CNTN5: variants seen among roughly 807,000 people sequenced by gnomAD.
CNTN5 encodes contactin 5.
A neutral mutation model predicts 129.1 loss-of-function variants in CNTN5; 77 were observed. The ratio of observed to expected loss-of-function variants is 0.60; its 90% CI spans 0.50 to 0.72. The LOEUF (loss-of-function observed/expected upper bound fraction) is 0.72, where lower values mean the gene tolerates loss of function less well. Ranked by LOEUF, CNTN5 falls within the 30% of genes least tolerant of loss-of-function variation. The pLI, the probability that CNTN5 is intolerant of heterozygous loss-of-function variation, is 0.00. For synonymous variants in CNTN5, 509 were observed against 465.6 expected (o/e 1.09, Z -1.20); for missense variants, 1,478 against 1,328.8 (o/e 1.11, Z -1.75).
intron 8 of CNTN5, among the ~76,000 whole-genome samples, chr11:99,963,252 G>C (rs12421585): frequency 0.03 from 4,539 of 152,230 alleles, 217 homozygotes; most frequent in East Asian, 0.22. Context: ...GTCCTGAATG[G>C]TATTGCCTAG....
chr11:99,726,008 T>C (rs1016012759), intron 3 of CNTN5, among the ~76,000 whole-genome samples: 1 of 152,228 alleles, frequency 6.6e-6, no homozygotes, highest in African/African-American at 2.4e-5. Flanking sequence ...CTTACTTATT[T>C]GGCTATTCTG....
At chr11:99,889,755 C>T (rs962061487) in intron 6 of CNTN5, among the ~76,000 whole-genome samples, 6 of 152,060 alleles carry the variant, frequency 3.9e-5, no homozygotes, top group Admixed American at 1.3e-4. Context: ...GCCAGCTGGG[C>T]AGGCTGGTCT....
intron 6 of CNTN5, among the ~76,000 whole-genome samples, chr11:99,877,627 A>G (rs993662594): frequency 6.6e-6 from 1 of 152,184 alleles, no homozygotes; most frequent in Admixed American, 6.5e-5. Context: ...AAAAATAAGG[A>G]AAGTGCTGTT....
At chr11:99,520,694 C>T (rs11220280) in intron 2 of CNTN5, among the ~76,000 whole-genome samples, 36,211 of 151,906 alleles carry the variant, frequency 0.24, 4,864 homozygotes, top group East Asian at 0.3. Context: ...AGTGTTAGTA[C>T]ATACAACCTC....
intron 1 of CNTN5, among the ~76,000 whole-genome samples, chr11:99,294,525 C>G (rs1864301333): frequency 6.6e-6 from 1 of 151,942 alleles, no homozygotes. Context: ...AAAGAACACA[C>G]AAAATAATGG....
intron 1 of CNTN5, among the ~76,000 whole-genome samples, chr11:99,214,390 T>C (rs1860007603): frequency 7.6e-6 from 1 of 131,348 alleles, no homozygotes; most frequent in Non-Finnish European, 1.6e-5. Flanking sequence ...ATTATATATG[T>C]ATATAAATAA....
At chr11:99,801,534 A>C (rs1565547892) in intron 3 of CNTN5, among the ~76,000 whole-genome samples, 1 of 152,218 alleles carries the variant, frequency 6.6e-6, no homozygotes, top group Non-Finnish European at 1.5e-5. Flanking sequence ...TTTTCCAGAT[A>C]ATTTACATTT....
intron 2 of CNTN5, among the ~76,000 whole-genome samples, chr11:99,343,963 G>A (rs1332293407): frequency 6.6e-6 from 1 of 152,150 alleles, no homozygotes; most frequent in East Asian, 1.9e-4. Flanking sequence ...TCCAACATTT[G>A]AAAATGATAA....
intron 2 of CNTN5, among the ~76,000 whole-genome samples, chr11:99,441,193 A>C (rs1223381005): frequency 2.0e-5 from 3 of 152,176 alleles, no homozygotes; most frequent in African/African-American, 7.2e-5. Context: ...CAATTAACAA[A>C]TCATGCCTTA....
intron 3 of CNTN5, among the ~76,000 whole-genome samples, chr11:99,696,344 C>T (rs564761274): frequency 1.3e-5 from 2 of 152,184 alleles, no homozygotes; most frequent in South Asian, 4.1e-4. Flanking sequence ...TGCCTATACC[C>T]ATTTTTATCT....
chr11:99,510,603 G>A lies in CNTN5; in HGVS notation c.-70-45542G>A, dbSNP rs534834000. Among the ~76,000 whole-genome samples, 6 of 152,214 alleles carry A rather than the reference G, an allele frequency of 3.9e-5. No homozygotes were observed. The South Asian group carries it at 1.0e-3, about 26-fold the overall frequency. On this transcript the variant is annotated intron_variant, in intron 2 of 24. Coordinates refer to ENST00000524871, the MANE Select transcript of CNTN5 (RefSeq NM_014361.4). ...CATAACAATGTTTTGGTCAATAATGGACTGCATATATGAGGGTGCTTCAAT... is the reference window on the plus strand; with the variant it reads ...CATAACAATGTTTTGGTCAATAATGAACTGCATATATGAGGGTGCTTCAAT...
intron 9 of CNTN5, among the ~76,000 whole-genome samples, chr11:100,044,481 C>T (rs1187264908): frequency 7.1e-6 from 1 of 139,974 alleles, no homozygotes; most frequent in African/African-American, 2.7e-5. Context: ...TTCTCTGCAA[C>T]TTTGCTAACA....
intron 13 of CNTN5, among the ~76,000 whole-genome samples, chr11:100,076,876 T>C (rs563481109): frequency 1.4e-4 from 21 of 152,206 alleles, no homozygotes; most frequent in East Asian, 9.7e-4. Flanking sequence ...TTACCATATC[T>C]GGCAGCCCTA....
At chr11:99,749,141 G>A (rs1944152298) in intron 3 of CNTN5, among the ~76,000 whole-genome samples, 1 of 152,044 alleles carries the variant, frequency 6.6e-6, no homozygotes, top group African/African-American at 2.4e-5. Flanking sequence ...GTGATACTTT[G>A]GCTTACTGAT....
In CNTN5 at chr11:99,414,450, T is replaced by A. The variant is rs141158217; in HGVS notation, c.-71+88966T>A. 1.4e-4 allele frequency among the ~76,000 whole-genome samples: 21 copies of A among 152,010 alleles called. No homozygotes were observed. The East Asian group carries it at 2.7e-3, about 20-fold the overall frequency. ...GATACAGCAGAAAATTATATACATATGTGTGTATGTATGCAGAATATATAT... is the reference window on the plus strand; with the variant it reads ...GATACAGCAGAAAATTATATACATAAGTGTGTATGTATGCAGAATATATAT... On this transcript the variant is annotated intron_variant, in intron 2 of 24. Coordinates refer to ENST00000524871, the MANE Select transcript of CNTN5 (RefSeq NM_014361.4).
chr11:100,051,582 T>C (rs181166354), intron 9 of CNTN5, among the ~76,000 whole-genome samples: 133 of 151,920 alleles, frequency 8.8e-4, no homozygotes, highest in African/African-American at 3.1e-3. Context: ...GAAATTAATT[T>C]AAGATGAAAG....
At chr11:99,764,691 A>G (rs2845954) in intron 3 of CNTN5, among the ~76,000 whole-genome samples, 66,227 of 151,968 alleles carry the variant, frequency 0.44, 14,899 homozygotes, top group Non-Finnish European at 0.5. Flanking sequence ...GATGAAATCA[A>G]TTTTTAAAAA....
intron 1 of CNTN5, among the ~76,000 whole-genome samples, chr11:99,049,351 A>G (rs1226748526): frequency 6.6e-6 from 1 of 152,170 alleles, no homozygotes; most frequent in Non-Finnish European, 1.5e-5. Context: ...AGATTTTCAT[A>G]GAAATTCTGC....
chr11:99,399,850 AT>A (rs543807071), intron 2 of CNTN5, among the ~76,000 whole-genome samples: 1 of 151,020 alleles, frequency 6.6e-6, no homozygotes, highest in Non-Finnish European at 1.5e-5. Context: ...TTTTTCTATA[AT>A]TTTTTATTTT....
Sources: allele counts gnomAD v4.1 joint callset (sites outside exome capture counted in the v4.1 genomes callset), GRCh38; gene constraint gnomAD v4.1.1; transcripts MANE v1.5; gene names NCBI Gene and HGNC (gene_info 2026-07-23, HGNC 2026-07-21).